PACRG: variants seen among roughly 807,000 people sequenced by gnomAD.
The protein encoded by PACRG is parkin coregulated gene protein.
In PACRG, 29 loss-of-function variants were observed where a neutral mutation model predicts 29.7. The ratio of observed to expected loss-of-function variants is 0.98; its 90% confidence interval spans 0.73 to 1.33. The LOEUF is 1.33. Among genes scored for constraint, PACRG ranks in the 40% most tolerant of loss-of-function variants. The pLI is 0.00. For synonymous variants in PACRG, 116 were observed against 118.7 expected, an observed-to-expected ratio of 0.98 and a Z score of 0.15; for missense variants, 279 against 316.2, an observed-to-expected ratio of 0.88 and a Z score of 0.89.
chr6:163,156,630 G>C (rs746255498), intron 4 of PACRG, among the ~76,000 whole-genome samples: 1 of 152,138 alleles, frequency 6.6e-6, no homozygotes, highest in Non-Finnish European at 1.5e-5. Context: ...AGAGTTGGGG[G>C]CCTAAAACAG....
intron 4 of PACRG, among the ~76,000 whole-genome samples, chr6:163,216,685 G>A (rs1426643965): frequency 2.0e-5 from 3 of 152,068 alleles, no homozygotes; most frequent in Non-Finnish European, 2.9e-5. Flanking sequence ...GCATACATAT[G>A]CACATGTACA....
intron 1 of PACRG, among the ~76,000 whole-genome samples, chr6:162,747,166 C>T (rs1562555706): frequency 6.6e-6 from 1 of 150,866 alleles, no homozygotes; most frequent in Non-Finnish European, 1.5e-5. Context: ...TAATCAGCTG[C>T]CAGCACGGCT....
chr6:163,301,154 G>T (rs972601052), intron 4 of PACRG, among the ~76,000 whole-genome samples: 2 of 152,188 alleles, frequency 1.3e-5, no homozygotes, highest in African/African-American at 4.8e-5. Flanking sequence ...GGCTTATCAG[G>T]GCTGCATGTC....
rs113138154 is a variant in PACRG, at chr6:162,759,174, A to G, written c.156+30783A>G. On this transcript the variant is annotated intron_variant, in intron 1 of 4. Coordinates refer to ENST00000366888, the MANE Select transcript of PACRG (RefSeq NM_001080379.2). ...AGATGTTTTCCACTATTTACAATTC[A>G]TCTTGTTTATTAACCTTTAAAAGCA... Among the ~76,000 whole-genome samples the G allele has an allele frequency of 7.5e-3, 1,148 of 152,370 alleles. 17 individuals carry two copies. The highest frequency in any genetic ancestry group is 0.025 in the African/African-American group (1,059 of 41,588).
At chr6:163,066,697 T>A (rs1811575890) in intron 3 of PACRG, among the ~76,000 whole-genome samples, 1 of 152,068 alleles carries the variant, frequency 6.6e-6, no homozygotes, top group South Asian at 2.1e-4. Flanking sequence ...CAAAATAGGA[T>A]GAAGAATGTA....
intron 2 of PACRG, among the ~76,000 whole-genome samples, chr6:162,818,321 A>C (rs1787531071): frequency 6.6e-6 from 1 of 152,222 alleles, no homozygotes; most frequent in Non-Finnish European, 1.5e-5. Context: ...TTCTCATCTT[A>C]AATTGCCATC....
intron 1 of PACRG, among the ~76,000 whole-genome samples, chr6:162,803,700 C>G (rs180769973): frequency 1.3e-5 from 2 of 152,052 alleles, no homozygotes; most frequent in African/African-American, 2.4e-5. Flanking sequence ...GACATGAACA[C>G]GCATTCACAA....
intron 4 of PACRG, among the ~76,000 whole-genome samples, chr6:163,121,635 G>A (rs1585239955): frequency 6.7e-6 from 1 of 149,476 alleles, no homozygotes; most frequent in South Asian, 2.1e-4. Flanking sequence ...TAAATTTATA[G>A]AGCATTCATT....
chr6:162,812,783 A>C (rs1786993596), intron 1 of PACRG, among the ~76,000 whole-genome samples: 1 of 152,112 alleles, frequency 6.6e-6, no homozygotes, highest in Non-Finnish European at 1.5e-5. Flanking sequence ...TTATTTGATA[A>C]TTGAATGAAT....
intron 1 of PACRG, among the ~76,000 whole-genome samples, chr6:162,797,289 A>AAAC (rs199971379): frequency 6.6e-6 from 1 of 152,180 alleles, no homozygotes; most frequent in African/African-American, 2.4e-5. Context: ...CAAACAAAAA[A>AAAC]AACAACAACA....
chr6:162,812,523 A>C (rs2128359205), intron 1 of PACRG, among the ~76,000 whole-genome samples: 1 of 152,190 alleles, frequency 6.6e-6, no homozygotes. Flanking sequence ...TGAGGGTGTT[A>C]AAATGGTGCC....
chr6:163,268,957 A>G (rs1783637781), intron 4 of PACRG, among the ~76,000 whole-genome samples: 1 of 152,244 alleles, frequency 6.6e-6, no homozygotes, highest in Admixed American at 6.5e-5. Flanking sequence ...GCAACTTTCT[A>G]TAACAGGCTT....
chr6:162,731,064 C>A (rs1779731261), intron 1 of PACRG, among the ~76,000 whole-genome samples: 1 of 152,154 alleles, frequency 6.6e-6, no homozygotes, highest in Admixed American at 6.5e-5. Context: ...TCTATTACAG[C>A]TTTCCTTCTC....
chr6:163,029,621 TC>T (rs1807466789), intron 2 of PACRG, among the ~76,000 whole-genome samples: 1 of 152,252 alleles, frequency 6.6e-6, no homozygotes, highest in African/African-American at 2.4e-5. Context: ...GAGAAGCTTT[TC>T]TACCTCTTGA....
chr6:163,254,487 A>G (rs530995012), intron 4 of PACRG, among the ~76,000 whole-genome samples: 36 of 152,348 alleles, frequency 2.4e-4, no homozygotes, highest in African/African-American at 7.2e-4. Context: ...TAGACAAAGC[A>G]ATTGTGAACC....
rs747114760 is a variant in PACRG, at chr6:162,777,464, G to A, written c.157-36683G>A. ...CACACCATCCCAAATTCTACTAAGT[G>A]TCAGACCAGGCCATGCTACCCTGTC... On this transcript the variant is annotated intron_variant, in intron 1 of 4. Transcript: ENST00000366888. This position sits in a 1 kb window ranked among gnomAD's most constrained non-coding sequence, Gnocchi z 4.0. Among the ~76,000 whole-genome samples, 2 of 152,202 alleles carry A rather than the reference G, an allele frequency of 1.3e-5. No homozygotes were observed. Among genetic ancestry groups the A allele is most frequent in the Non-Finnish European group, 2.9e-5 (2 of 68,038 alleles).
At chr6:163,264,695 TG>T (rs1334478906) in intron 4 of PACRG, among the ~76,000 whole-genome samples, 1 of 152,086 alleles carries the variant, frequency 6.6e-6, no homozygotes, top group Non-Finnish European at 1.5e-5. Flanking sequence ...TTCCGCTGGT[TG>T]GAAAATAGGG....
At chr6:162,834,718 G>C (rs1462557502) in intron 2 of PACRG, among the ~76,000 whole-genome samples, 1 of 151,686 alleles carries the variant, frequency 6.6e-6, no homozygotes, top group East Asian at 1.9e-4. Flanking sequence ...TCTGAATGTA[G>C]ATTCTATTAT....
chr6:162,799,326 T>A (rs564990413), intron 1 of PACRG, among the ~76,000 whole-genome samples: 1 of 152,350 alleles, frequency 6.6e-6, no homozygotes, highest in South Asian at 2.1e-4. Flanking sequence ...AGGTACATGT[T>A]CATCTTTTCT....
Sources: allele counts gnomAD v4.1 joint callset (sites outside exome capture counted in the v4.1 genomes callset), GRCh38; gene constraint gnomAD v4.1.1; non-coding constraint Gnocchi (gnomAD v3.1); transcripts MANE v1.5; gene names NCBI Gene and HGNC (gene_info 2026-07-23, HGNC 2026-07-21).